Variants in ITPR1 observed in about 807,000 individuals in gnomAD.
ITPR1 encodes inositol 1,4,5-trisphosphate-gated calcium channel ITPR1.
Under a neutral mutation model 318.4 loss-of-function variants are expected in ITPR1, and 96 were observed. That is an observed-to-expected ratio of 0.30 (90% CI 0.26 to 0.36). The LOEUF (loss-of-function observed/expected upper bound fraction) is 0.36. Among genes scored for constraint, ITPR1 ranks in the 10% least tolerant of loss-of-function variants. ITPR1 has a pLI of 1.00. For synonymous variants in ITPR1, 1,312 were observed against 1,289.9 expected (o/e 1.02, Z -0.37); for missense variants, 2,440 against 3,460.2 (o/e 0.71, Z 7.40).
chr3:4,566,957 G>C (rs2087351787), intron 4 of ITPR1, among the ~76,000 whole-genome samples: 1 of 152,194 alleles, frequency 6.6e-6, no homozygotes, highest in Non-Finnish European at 1.5e-5. Flanking sequence ...TGTATCTTGA[G>C]AGGTAATGCA....
intron 10 of ITPR1, among the ~76,000 whole-genome samples, chr3:4,648,848 G>C (rs2093527698): frequency 2.6e-5 from 4 of 152,178 alleles, no homozygotes; most frequent in Admixed American, 2.6e-4. Flanking sequence ...CTGTACATAT[G>C]CTTACTCTAA....
chr3:4,503,397 G>A (rs2081172266), intron 2 of ITPR1, among the ~76,000 whole-genome samples: 1 of 152,156 alleles, frequency 6.6e-6, no homozygotes, highest in African/African-American at 2.4e-5. Context: ...TTCCTCTTCT[G>A]TAGAATAGGT....
intron 42 of ITPR1, among the ~76,000 whole-genome samples, chr3:4,727,751 A>AT (rs1052854487): frequency 6.6e-6 from 1 of 151,992 alleles, no homozygotes; most frequent in Non-Finnish European, 1.5e-5. Context: ...TTTATTTTTT[A>AT]TTTTTGTAGA....
intron 4 of ITPR1, among the ~76,000 whole-genome samples, chr3:4,535,092 T>C (rs765423572): frequency 6.6e-6 from 1 of 150,986 alleles, no homozygotes; most frequent in Non-Finnish European, 1.5e-5. Context: ...AATTAAATAT[T>C]ATACAAGGAT....
intron 55 of ITPR1, among the ~76,000 whole-genome samples, chr3:4,810,184 C>T (rs1328540090): frequency 6.6e-6 from 1 of 152,144 alleles, no homozygotes; most frequent in Non-Finnish European, 1.5e-5. Context: ...CAACCCTGTC[C>T]CCTGACTCAC....
chr3:4,523,530 GGAACTTATTC>G (rs2082728765), intron 4 of ITPR1, among the ~76,000 whole-genome samples: 1 of 151,928 alleles, frequency 6.6e-6, no homozygotes, highest in South Asian at 2.1e-4. Flanking sequence ...GTAGATCTCT[GGAACTTATTC>G]CTCCTAACTG....
intron 58 of ITPR1, 49 bp downstream of exon 58, chr3:4,814,611 G>GGC: frequency 2.0e-5 from 14 of 707,936 alleles, no homozygotes; most frequent in East Asian, 3.9e-5. Context: ...GGGTGGGGTG[G>GGC]TTGGTGGGAG....
At chr3:4,595,819 C>T (rs2090764120) in intron 4 of ITPR1, among the ~76,000 whole-genome samples, 1 of 152,104 alleles carries the variant, frequency 6.6e-6, no homozygotes, top group Admixed American at 6.5e-5. Flanking sequence ...CACTGATGAC[C>T]TTTGAGAGCA....
chr3:4,676,866 C>G, intron 24 of ITPR1, 65 bp downstream of exon 24: 1 of 1,288,188 alleles, frequency 7.8e-7, no homozygotes, highest in Non-Finnish European at 1.1e-6. Context: ...GATCCAGTCC[C>G]TCTGTTCTGA....
chr3:4,704,273 A>G (rs1017367428), intron 36 of ITPR1, among the ~76,000 whole-genome samples: 1 of 152,180 alleles, frequency 6.6e-6, no homozygotes, highest in Admixed American at 6.5e-5. Flanking sequence ...TTAGCCTGGC[A>G]TGGCGGCGCA....
chr3:4,763,872 G>A (rs1303662382), intron 44 of ITPR1, among the ~76,000 whole-genome samples: 1 of 152,244 alleles, frequency 6.6e-6, no homozygotes. Flanking sequence ...GTCGCGTGGC[G>A]CTGCTGTCAG....
chr3:4,652,055 T>C (rs1360643397), intron 10 of ITPR1, 68 bp from the exon 11 acceptor site: 2 of 1,193,950 alleles, frequency 1.7e-6, no homozygotes, highest in African/African-American at 3.0e-5. Flanking sequence ...TGACTTGTGA[T>C]ACCTCCGATT....
chr3:4,525,309 C>T (rs1333101329), intron 4 of ITPR1, among the ~76,000 whole-genome samples: 1 of 152,138 alleles, frequency 6.6e-6, no homozygotes, highest in Non-Finnish European at 1.5e-5. Flanking sequence ...AGTAGTTGTT[C>T]AGTGAGTGGT....
chr3:4,716,679 G>A (rs1417163061), intron 39 of ITPR1, among the ~76,000 whole-genome samples: 3 of 152,258 alleles, frequency 2.0e-5, no homozygotes, highest in East Asian at 1.9e-4. Context: ...TGTTAACAAA[G>A]CCTAATAAAA....
At chr3:4,755,666 C>T (rs1198984793) in intron 44 of ITPR1, among the ~76,000 whole-genome samples, 1 of 152,192 alleles carries the variant, frequency 6.6e-6, no homozygotes, top group Non-Finnish European at 1.5e-5. Context: ...TCCCCAGAGC[C>T]CAGTGACCAG....
At chr3:4,567,513 C>T (rs561851752) in intron 4 of ITPR1, among the ~76,000 whole-genome samples, 88 of 152,076 alleles carry the variant, frequency 5.8e-4, no homozygotes, top group African/African-American at 1.8e-3. Context: ...TAGAGATAGG[C>T]GAATGAAGAT....
At chr3:4,807,388 C>T (rs2048647092) in intron 55 of ITPR1, among the ~76,000 whole-genome samples, 1 of 152,178 alleles carries the variant, frequency 6.6e-6, no homozygotes, top group African/African-American at 2.4e-5. Context: ...CAAAATGCAA[C>T]TGTGTGAGAT....
intron 14 of ITPR1, 102 bp from the exon 15 acceptor site, chr3:4,661,980 A>G (rs982067490): frequency 1.1e-6 from 1 of 947,024 alleles, no homozygotes; most frequent in South Asian, 1.8e-5. Context: ...AGATAGCTCT[A>G]GTATCTTGGG....
At chr3:4,501,592 A>T (rs1394464057) in intron 2 of ITPR1, among the ~76,000 whole-genome samples, 1 of 152,210 alleles carries the variant, frequency 6.6e-6, no homozygotes, top group Non-Finnish European at 1.5e-5. Context: ...TTTCATGGCT[A>T]GCTCTCACCT....
Sources: gnomAD v4.1 joint callset for allele counts (sites outside exome capture counted in the v4.1 genomes callset) on GRCh38, gnomAD v4.1.1 for gene constraint, MANE v1.5 for transcripts, NCBI Gene and HGNC (gene_info 2026-07-23, HGNC 2026-07-21) for gene names.